The following UST variants were observed in gnomAD, a reference collection of about 807,000 sequenced individuals.
UST encodes the protein uronyl 2-sulfotransferase.
A neutral mutation model predicts 45.6 loss-of-function variants in UST; 21 were observed. The ratio of observed to expected loss-of-function variants is 0.46; its 90% CI spans 0.33 to 0.66. The LOEUF is 0.66. Among genes scored for constraint, UST ranks in the 30% least tolerant of loss-of-function variants. The pLI is 0.02. For synonymous variants in UST, 215 were observed against 200.6 expected, an observed-to-expected ratio of 1.07 and a Z score of -0.61; for missense variants, 463 against 512.4, an observed-to-expected ratio of 0.90 and a Z score of 0.93.
intron 2 of UST, among the ~76,000 whole-genome samples, chr6:148,919,517 G>T (rs887832539): frequency 6.6e-6 from 1 of 152,140 alleles, no homozygotes; most frequent in Non-Finnish European, 1.5e-5. Flanking sequence ...TGAATTCCCA[G>T]TCCAGCAGGG....
Position 148,916,582 on chromosome 6 carries a change from C to T in UST, c.292-24697C>T, listed in dbSNP as rs1477125255. ...CCAGGAAGCTGAGGGCAACCTTAGG[C>T]CCTAGAACTTGCCACCCATCTGAGC... On this transcript the variant is annotated intron_variant, in intron 2 of 7. Transcript: ENST00000367463. Among the ~76,000 whole-genome samples the T allele has an allele frequency of 3.9e-5, 6 of 152,262 alleles. No individual in the cohort carries two copies. The South Asian group carries it at 1.2e-3, about 32-fold the overall frequency.
intron 7 of UST, among the ~76,000 whole-genome samples, chr6:149,056,970 T>C (rs1776574359): frequency 6.6e-6 from 1 of 152,180 alleles, no homozygotes; most frequent in Non-Finnish European, 1.5e-5. Context: ...TATCAAAATT[T>C]CCCCATGTTT....
intron 1 of UST, among the ~76,000 whole-genome samples, chr6:148,769,518 A>C (rs767923619): frequency 6.6e-6 from 1 of 152,198 alleles, no homozygotes; most frequent in Non-Finnish European, 1.5e-5. Context: ...TGGGTAATTC[A>C]CTTAACCTCT....
chr6:148,796,804 T>G (rs932773011), intron 1 of UST, among the ~76,000 whole-genome samples: 1 of 132,706 alleles, frequency 7.5e-6, no homozygotes, highest in Non-Finnish European at 1.6e-5. Context: ...ATTCTTTTTT[T>G]TTTTTTTTTT....
In UST at chr6:148,787,769, A is replaced by G. The variant is rs190363071; in HGVS notation, c.247+40092A>G. 9.5e-3 allele frequency among the ~76,000 whole-genome samples: 1,446 copies of G among 152,282 alleles called. 15 individuals are homozygous for G. The highest frequency in any genetic ancestry group is 0.016 in the Non-Finnish European group (1,073 of 68,026). On this transcript the variant is annotated intron_variant, in intron 1 of 7. Transcript: ENST00000367463. The stretch of plus-strand genomic sequence containing the variant: ...AATGGGAATAGCATTGAATGTATAA[A>G]TTGCTTTGAGCAGTGTGGTCATTTT...
chr6:148,931,450 A>G (rs1341594101), intron 2 of UST, among the ~76,000 whole-genome samples: 1 of 152,210 alleles, frequency 6.6e-6, no homozygotes, highest in Non-Finnish European at 1.5e-5. Flanking sequence ...GGTCTAGTGG[A>G]GAGATTATCT....
At chr6:149,060,209 T>A (rs989928760) in intron 7 of UST, among the ~76,000 whole-genome samples, 16 of 152,238 alleles carry the variant, frequency 1.1e-4, no homozygotes, top group African/African-American at 3.6e-4. Flanking sequence ...ATTATTTATA[T>A]TTCCAGATCT....
intron 1 of UST, among the ~76,000 whole-genome samples, chr6:148,764,605 C>A (rs1394819705): frequency 1.3e-5 from 2 of 152,066 alleles, no homozygotes; most frequent in Non-Finnish European, 2.9e-5. Context: ...AATTTTAAAG[C>A]TGGGTGTCCG....
chr6:148,786,062 T>G (rs1013459699), intron 1 of UST, among the ~76,000 whole-genome samples: 1 of 152,188 alleles, frequency 6.6e-6, no homozygotes. Context: ...TAAGACATTT[T>G]TGCTTAATGA....
intron 1 of UST, among the ~76,000 whole-genome samples, chr6:148,814,222 A>G (rs1777315555): frequency 3.3e-5 from 5 of 152,076 alleles, no homozygotes; most frequent in Admixed American, 3.3e-4. Context: ...AGCCACCTGT[A>G]TGAGGAGTGT....
chr6:148,881,857 T>C (rs1778828388), intron 1 of UST, among the ~76,000 whole-genome samples: 1 of 152,244 alleles, frequency 6.6e-6, no homozygotes, highest in South Asian at 2.1e-4. Context: ...TTTAAAATTC[T>C]GACAGTTTTG....
chr6:148,874,917 C>G (rs1778620031), intron 1 of UST, among the ~76,000 whole-genome samples: 1 of 152,230 alleles, frequency 6.6e-6, no homozygotes, highest in African/African-American at 2.4e-5. Context: ...GCAGCATTGT[C>G]TTCAACAGTG....
At chr6:148,928,640 A>G (rs890900500) in intron 2 of UST, among the ~76,000 whole-genome samples, 2 of 152,258 alleles carry the variant, frequency 1.3e-5, no homozygotes, top group African/African-American at 4.8e-5. Context: ...AGAGCATTCC[A>G]TGATCAGATC....
chr6:148,815,350 C>T (rs2114735834), intron 1 of UST, among the ~76,000 whole-genome samples: 1 of 152,258 alleles, frequency 6.6e-6, no homozygotes, highest in East Asian at 1.9e-4. Context: ...CCTTCTATGC[C>T]TTTTGAATAT....
At chr6:148,958,566 T>G (rs567584073) in intron 4 of UST, among the ~76,000 whole-genome samples, 1 of 152,198 alleles carries the variant, frequency 6.6e-6, no homozygotes, top group Non-Finnish European at 1.5e-5. Flanking sequence ...ATACTATGGT[T>G]TCAGGTATCT....
At chr6:149,049,966 C>T (rs1000867930) in intron 7 of UST, among the ~76,000 whole-genome samples, 3 of 142,966 alleles carry the variant, frequency 2.1e-5, no homozygotes, top group Admixed American at 6.9e-5. Context: ...CACACACACA[C>T]GTGGCCCTTT....
At chr6:148,916,858 T>C (rs1779600447) in intron 2 of UST, among the ~76,000 whole-genome samples, 1 of 152,256 alleles carries the variant, frequency 6.6e-6, no homozygotes, top group Non-Finnish European at 1.5e-5. Flanking sequence ...AATTTAGCTG[T>C]ATAGCAAAAC....
intron 2 of UST, among the ~76,000 whole-genome samples, chr6:148,908,109 A>G (rs1779402532): frequency 6.6e-6 from 1 of 152,042 alleles, no homozygotes; most frequent in East Asian, 1.9e-4. Flanking sequence ...TGGTTTCACC[A>G]TGTTGGCCAG....
intron 7 of UST, among the ~76,000 whole-genome samples, chr6:149,041,984 G>A (rs994617798): frequency 2.0e-5 from 3 of 152,242 alleles, no homozygotes; most frequent in Non-Finnish European, 2.9e-5. Flanking sequence ...AATGAGAATA[G>A]TGATCACAGA....
Sources: gnomAD v4.1 joint callset for allele counts (sites outside exome capture counted in the v4.1 genomes callset) on GRCh38, gnomAD v4.1.1 for gene constraint, MANE v1.5 for transcripts, NCBI Gene and HGNC (gene_info 2026-07-23, HGNC 2026-07-21) for gene names.